EZR: variants seen among roughly 807,000 people sequenced by gnomAD.
EZR encodes the protein cytovillin 2.
Under a neutral mutation model 74.8 loss-of-function variants are expected in EZR, and 40 were observed. The ratio of observed to expected loss-of-function variants is 0.53; its 90% confidence interval spans 0.42 to 0.70. EZR has a LOEUF of 0.70. EZR is among the 30% of genes least tolerant of loss of function. EZR has a pLI of 0.00. For synonymous variants in EZR, 341 were observed against 283.3 expected (o/e 1.20, Z -2.05); for missense variants, 678 against 755.8 (o/e 0.90, Z 1.21).
chr6:158,810,164 TA>T (rs1300381442), intron 2 of EZR, among the ~76,000 whole-genome samples: 2 of 152,360 alleles, frequency 1.3e-5, no homozygotes, highest in South Asian at 2.1e-4. Context: ...CATGGTGAGA[TA>T]TTTTTTATTT....
At chr6:158,771,134 C>T in intron 9 of EZR, 110 bp downstream of exon 9, 2 of 1,466,646 alleles carry the variant, frequency 1.4e-6, no homozygotes, top group South Asian at 2.7e-5. Context: ...GACTGGGTTC[C>T]ATTCCACCAC....
At chr6:158,798,177 G>A (rs1489516776) in intron 2 of EZR, among the ~76,000 whole-genome samples, 1 of 149,542 alleles carries the variant, frequency 6.7e-6, no homozygotes. Flanking sequence ...TTTTTTTACT[G>A]CCCAGGAATA....
intron 7 of EZR, among the ~76,000 whole-genome samples, chr6:158,777,387 C>A (rs1275128230): frequency 1.3e-5 from 2 of 152,264 alleles, no homozygotes; most frequent in Non-Finnish European, 2.9e-5. Context: ...CCTACTTAAC[C>A]AATGCAATGC....
chr6:158,781,169 T>G (rs2128568947), intron 7 of EZR, among the ~76,000 whole-genome samples: 1 of 152,296 alleles, frequency 6.6e-6, no homozygotes, highest in East Asian at 1.9e-4. Flanking sequence ...TCAGCACTCC[T>G]CAGACTTCAG....
At chr6:158,778,559 G>A (rs951857315) in intron 7 of EZR, among the ~76,000 whole-genome samples, 3 of 152,154 alleles carry the variant, frequency 2.0e-5, no homozygotes, top group African/African-American at 7.2e-5. Flanking sequence ...CTACAGAGAA[G>A]GTGGCCACAG....
chr6:158,768,514 T>C (rs1486247533), intron 12 of EZR, among the ~76,000 whole-genome samples: 1 of 151,964 alleles, frequency 6.6e-6, no homozygotes, highest in African/African-American at 2.4e-5. Flanking sequence ...CCTCCACAGA[T>C]GGAGAAGCCA....
rs993874700 is a variant in EZR, at chr6:158,784,586, A to G, written c.551+58T>C. The G allele has an allele frequency of 2.7e-6, 4 of 1,471,372 alleles. No homozygotes were observed. The African/African-American group carries it at 5.5e-5, about 20-fold the overall frequency. The allele number at this position is 1,471,372 out of a possible 1,614,324, so 91.1% of individuals were successfully genotyped here. A position where few individuals can be genotyped will look rare whatever the true frequency, so the allele number is the denominator to read the frequency against. On this transcript the variant is annotated intron_variant, in intron 6 of 13. Coordinates refer to ENST00000367075, the MANE Select transcript of EZR (RefSeq NM_001111077.2). ...AAAGCACTAACTAGAGTCACAGGAA[A>G]AGACATGCTGGAGCGCACGGAGATG...
intron 8 of EZR, among the ~76,000 whole-genome samples, chr6:158,771,668 C>CGT (rs1319589967): frequency 6.6e-6 from 1 of 152,166 alleles, no homozygotes; most frequent in East Asian, 1.9e-4. Flanking sequence ...GCAGGTGCCG[C>CGT]GTGTGTGTGC....
At chr6:158,794,312 C>T (rs1178901480) in intron 2 of EZR, among the ~76,000 whole-genome samples, 3 of 152,058 alleles carry the variant, frequency 2.0e-5, no homozygotes, top group African/African-American at 4.8e-5. Context: ...ACCACCAGCA[C>T]CAGCACCAGC....
intron 2 of EZR, among the ~76,000 whole-genome samples, chr6:158,803,850 C>A (rs1283962634): frequency 6.6e-6 from 1 of 151,730 alleles, no homozygotes. Context: ...CCAGTCCCAT[C>A]TGTGCTCATT....
At chr6:158,804,206 G>A (rs1777278966) in intron 2 of EZR, among the ~76,000 whole-genome samples, 1 of 151,986 alleles carries the variant, frequency 6.6e-6, no homozygotes, top group African/African-American at 2.4e-5. Context: ...CTTCTACACT[G>A]GAAATAACAT....
rs750069127 is a variant in EZR, at chr6:158,769,874, C to G, written c.1161G>C (p.Glu387Asp). The change falls in exon 11 of 14, where the codon GAG (glutamate) becomes GAC (aspartate). Residue 387 changes from glutamate (E) to aspartate (D), a missense_variant. Physicochemically the swap from Glu to Asp is conservative, Grantham distance 45 (BLOSUM62 2). Around this residue, in one of 3 missense-constraint regions of EZR, gnomAD observed 342 missense variants for 341.2 expected, o/e 1.00. Transcript: ENST00000367075. ...CAGCCATACGGTCAGCCTCTAGGCG[C>G]TCGGCCTCCTCCTGTGCCCGCTTCC... is the stretch of plus-strand genomic sequence containing the variant. ...EERKRAQEEA[E>D]RLEADRMAAL... 6 of 1,613,778 alleles carry G rather than the reference C, an allele frequency of 3.7e-6. No individual in the cohort carries two copies. Among genetic ancestry groups the G allele is most frequent in the Non-Finnish European group, 5.1e-6 (6 of 1,180,022 alleles).
At chr6:158,777,971 C>A (rs986375394) in intron 7 of EZR, among the ~76,000 whole-genome samples, 2 of 152,260 alleles carry the variant, frequency 1.3e-5, no homozygotes, top group Admixed American at 1.3e-4. Context: ...CTTTTATCTT[C>A]GAGATGTAAT....
At chr6:158,774,801 G>C (rs371439034) in intron 8 of EZR, among the ~76,000 whole-genome samples, 4 of 151,892 alleles carry the variant, frequency 2.6e-5, no homozygotes, top group Admixed American at 6.6e-5. Flanking sequence ...TAGCGTCACA[G>C]AGTACGTAGT....
chr6:158,798,034 A>T (rs186598824), intron 2 of EZR, among the ~76,000 whole-genome samples: 151 of 152,354 alleles, frequency 9.9e-4, no homozygotes, highest in Non-Finnish European at 1.7e-3. Flanking sequence ...TTCTGTCTCT[A>T]AGGAATGGCC....
At position 158,776,457 on chromosome 6, in the gene EZR, G is replaced by A; in HGVS notation, c.746C>T (p.Ser249Phe). The change falls in exon 8 of 14, where the codon TCT (serine) becomes TTT (phenylalanine). Residue 249 changes from serine to phenylalanine, a missense_variant. By Grantham distance (155) the Ser-to-Phe change is radical. This residue lies in a region of EZR where 119 missense variants were observed against 182.3 expected (regional missense o/e 0.65). Coordinates refer to ENST00000367075, the MANE Select transcript of EZR (RefSeq NM_001111077.2). ...GFPWSEIRNI[S>F]FNDKKFVIKP... ...AATGACAAACTTTTTGTCATTGAAA[G>A]AGATGTTCCTGATTTCACTCCAAGG... The A allele has an allele frequency of 5.6e-6, 9 of 1,613,510 alleles. No individual in the cohort carries two copies. Among genetic ancestry groups the A allele is most frequent in the Non-Finnish European group, 7.6e-6 (9 of 1,179,872 alleles).
At chr6:158,795,272 A>AATAC (rs1335973196) in intron 2 of EZR, among the ~76,000 whole-genome samples, 2 of 151,760 alleles carry the variant, frequency 1.3e-5, no homozygotes, top group African/African-American at 2.4e-5. Context: ...TAAATAAATA[A>AATAC]ATAAATAATT....
chr6:158,802,493 C>G (rs1777207508), intron 2 of EZR, among the ~76,000 whole-genome samples: 1 of 152,170 alleles, frequency 6.6e-6, no homozygotes, highest in Admixed American at 6.5e-5. Flanking sequence ...TATTTGTATA[C>G]TTCTACTTGA....
chr6:158,768,069 C>T (rs1790964850), intron 12 of EZR, among the ~76,000 whole-genome samples: 1 of 151,906 alleles, frequency 6.6e-6, no homozygotes, highest in East Asian at 1.9e-4. Flanking sequence ...TGTCCCCACC[C>T]AAATCTCATC....
Sources: gnomAD v4.1 joint callset for allele counts (sites outside exome capture counted in the v4.1 genomes callset) on GRCh38, gnomAD v4.1.1 for gene constraint, gnomAD v4.1.1 regional missense constraint, MANE v1.5 for transcripts, NCBI Gene and HGNC (gene_info 2026-07-23, HGNC 2026-07-21) for gene names.